CRYBB2: variants seen among roughly 807,000 people sequenced by gnomAD.
The protein encoded by CRYBB2 is beta-crystallin B2.
Under a neutral mutation model 24.3 loss-of-function variants are expected in CRYBB2, and 12 were observed. That is an observed-to-expected ratio of 0.49 (90% CI 0.32 to 0.80). The LOEUF (loss-of-function observed/expected upper bound fraction) is 0.80. Ranked by LOEUF, CRYBB2 falls within the 30% of genes least tolerant of loss-of-function variation. The pLI is 0.04. For missense variants in CRYBB2, 198 were observed against 268.5 expected (o/e 0.74, Z 1.83); for synonymous variants, 98 against 101.6 (o/e 0.96, Z 0.21).
upstream of CRYBB2, among the ~76,000 whole-genome samples, chr22:25,218,790 GAAAGAAAGAAAGA>G (rs1313420221): frequency 2.4e-5 from 2 of 84,968 alleles, no homozygotes; most frequent in East Asian, 8.6e-4. Flanking sequence ...AAGAAAGAAA[GAAAGAAAGAAAGA>G]AAGAAAGAAA....
At chr22:25,218,836 A>G (rs532329475), upstream of CRYBB2, among the ~76,000 whole-genome samples, 132 of 96,808 alleles carry the variant, frequency 1.4e-3, no homozygotes, top group South Asian at 0.017. Context: ...GAAAGAAAGA[A>G]AGAGAAAGAA....
In CRYBB2 at chr22:25,231,725, C is replaced by G. The variant is rs148209404; in HGVS notation, c.571C>G (p.Arg191Gly). The G allele has an allele frequency of 6.2e-7, 1 of 1,614,094 alleles. No homozygotes were observed. Among genetic ancestry groups the G allele is most frequent in the Non-Finnish European group, 8.5e-7 (1 of 1,180,006 alleles). The change falls in exon 6 of 6, where the codon CGC becomes GGC. Residue 191 changes from arginine (R) to glycine (G), a missense_variant. Coordinates refer to ENST00000398215, the MANE Select transcript of CRYBB2 (RefSeq NM_000496.3). Reference protein sequence around the residue: ...HPQVQSVRRIRDMQWHQRGAF... With the variant: ...HPQVQSVRRIGDMQWHQRGAF... ...CCAGGTGCAGTCCGTGCGCCGTATC[C>G]GCGACATGCAGTGGCACCAACGTGG...
At chr22:25,218,711 A>G (rs1420238300), upstream of CRYBB2, among the ~76,000 whole-genome samples, 22 of 58,048 alleles carry the variant, frequency 3.8e-4, 1 homozygote, top group African/African-American at 1.3e-3. Context: ...AGAGGGGGAG[A>G]GAGAGAGAGA....
upstream of CRYBB2, among the ~76,000 whole-genome samples, chr22:25,218,734 G>GT: frequency 3.2e-5 from 1 of 31,110 alleles, no homozygotes; most frequent in Admixed American, 4.4e-4. Context: ...GAGAGAGAGA[G>GT]GGGAGAGAGA....
At chr22:25,225,799 C>T (rs753104690) in intron 3 of CRYBB2, among the ~76,000 whole-genome samples, 3 of 152,322 alleles carry the variant, frequency 2.0e-5, no homozygotes, top group Middle Eastern at 3.4e-3. Flanking sequence ...CATGGTCCTA[C>T]ATAGGTCAGA....
Position 25,224,898 on chromosome 22 carries a change from AG to A in CRYBB2, c.55-19del. ...TCCTCTTCATCGTGATGAGGGTCTG[AG>A]TCTCGCTTCCTCTTGCAGATCATCA... On this transcript the variant is annotated intron_variant, in intron 2 of 5. Transcript: ENST00000398215. 1 of 1,303,614 alleles carries A rather than the reference AG, an allele frequency of 7.7e-7. No individual in the cohort carries two copies. 80.8% of individuals were successfully genotyped at this position (1,303,614 alleles called of 1,614,324 possible). A position where few individuals can be genotyped will look rare whatever the true frequency, so the allele number is the denominator to read the frequency against.
At chr22:25,225,182 G>T (rs1353528344) in intron 3 of CRYBB2, 146 bp downstream of exon 3, 5 of 717,194 alleles carry the variant, frequency 7.0e-6, no homozygotes, top group Non-Finnish European at 1.0e-5. Context: ...TTCATGCTTT[G>T]CAGTCAGATA....
chr22:25,227,283 C>T (rs1248045400), intron 3 of CRYBB2, among the ~76,000 whole-genome samples: 2 of 152,078 alleles, frequency 1.3e-5, no homozygotes, highest in African/African-American at 2.4e-5. Flanking sequence ...TCTACAAAAA[C>T]AGAGTTTGGG....
intron 3 of CRYBB2, among the ~76,000 whole-genome samples, chr22:25,227,044 G>A (rs575373999): frequency 6.6e-6 from 1 of 152,176 alleles, no homozygotes; most frequent in African/African-American, 2.4e-5. Context: ...TCTTCCAAAA[G>A]AGGACAATAA....
In CRYBB2 at chr22:25,229,303, C is replaced by T. The variant is rs1218380282; in HGVS notation, c.307-133C>T. ...GATCCAACAGCAGTGGTCATAGACA[C>T]GTAGTGGGTGCACTGGGAAGAGAGT... On this transcript the variant is annotated intron_variant, in intron 4 of 5. Coordinates refer to ENST00000398215, the MANE Select transcript of CRYBB2 (RefSeq NM_000496.3). 5.5e-6 allele frequency: 8 copies of T among 1,460,448 alleles called. No homozygotes were observed. The South Asian group carries it at 6.1e-5, about 11-fold the overall frequency. The allele number at this position is 1,460,448 out of a possible 1,614,324, so 90.5% of individuals were successfully genotyped here. A position where few individuals can be genotyped will look rare whatever the true frequency, so the allele number is the denominator to read the frequency against.
At chr22:25,218,823 A>AG (rs1935266987), upstream of CRYBB2, among the ~76,000 whole-genome samples, 1 of 120,410 alleles carries the variant, frequency 8.3e-6, no homozygotes, top group Non-Finnish European at 1.7e-5. Flanking sequence ...AGAAAGAAAG[A>AG]AAGAAAGAAA....
upstream of CRYBB2, among the ~76,000 whole-genome samples, chr22:25,214,809 T>C (rs898407472): frequency 6.6e-6 from 1 of 152,188 alleles, no homozygotes; most frequent in Non-Finnish European, 1.5e-5. Context: ...AGTCTACAAA[T>C]CCTGATCTCT....
intron 4 of CRYBB2, among the ~76,000 whole-genome samples, chr22:25,229,106 T>C (rs1040802670): frequency 1.3e-5 from 2 of 150,746 alleles, no homozygotes; most frequent in African/African-American, 5.0e-5. Flanking sequence ...CATGTGTGTG[T>C]GTGTGCATGT....
At chr22:25,218,820 A>AG (rs1555888322), upstream of CRYBB2, among the ~76,000 whole-genome samples, 3 of 91,156 alleles carry the variant, frequency 3.3e-5, no homozygotes, top group South Asian at 9.0e-4. Flanking sequence ...GAAAGAAAGA[A>AG]AGAAAGAAAG....
chr22:25,224,416 TTAATTATGTCA>T (rs1935376240), intron 2 of CRYBB2, among the ~76,000 whole-genome samples: 1 of 152,222 alleles, frequency 6.6e-6, no homozygotes, highest in African/African-American at 2.4e-5. Flanking sequence ...TAATTATGTC[TTAATTATGTCA>T]TAATTAGTTC....
At chr22:25,220,743 A>G (rs1601417848) in intron 1 of CRYBB2, among the ~76,000 whole-genome samples, 1 of 152,320 alleles carries the variant, frequency 6.6e-6, no homozygotes, top group East Asian at 1.9e-4. Context: ...TGATGTTCTC[A>G]CTAGCTAAGG....
chr22:25,225,730 G>A (rs563379491), intron 3 of CRYBB2, among the ~76,000 whole-genome samples: 1 of 152,312 alleles, frequency 6.6e-6, no homozygotes, highest in African/African-American at 2.4e-5. Context: ...AGATATGGCT[G>A]GAAATCCTAA....
At chr22:25,215,711 A>G (rs552636490), upstream of CRYBB2, among the ~76,000 whole-genome samples, 13 of 152,348 alleles carry the variant, frequency 8.5e-5, no homozygotes, top group African/African-American at 2.9e-4. Context: ...AAGAACGTTT[A>G]TCTTGAAGTC....
At chr22:25,228,349 C>T (rs1366782864) in intron 4 of CRYBB2, among the ~76,000 whole-genome samples, 9 of 148,244 alleles carry the variant, frequency 6.1e-5, no homozygotes, top group Middle Eastern at 3.2e-3. Context: ...CCGCCCCCCG[C>T]GCCCAAGGGT....
Sources: allele counts gnomAD v4.1 joint callset (sites outside exome capture counted in the v4.1 genomes callset), GRCh38; gene constraint gnomAD v4.1.1; transcripts MANE v1.5; gene names NCBI Gene and HGNC (gene_info 2026-07-23, HGNC 2026-07-21).